Variants in ATRX observed in about 807,000 individuals in gnomAD.
ATRX encodes the protein chromatin remodeler ATRX.
ATRX carries 12 observed loss-of-function variants against 172.6 expected under a neutral mutation model. The ratio of observed to expected loss-of-function variants is 0.07; its 90% CI spans 0.04 to 0.11. The LOEUF (loss-of-function observed/expected upper bound fraction) is 0.11, where lower values mean the gene tolerates loss of function less well. ATRX is among the 10% of genes least tolerant of loss of function. The probability of loss-of-function intolerance (pLI) is 1.00; values close to 1 mark genes in which losing one functional copy is unlikely to be tolerated. For synonymous variants in ATRX, 674 were observed against 594.7 expected (o/e 1.13, Z -1.94); for missense variants, 1,368 against 1,767.4 (o/e 0.77, Z 4.05).
rs782100927 is a variant in ATRX, at chrX:77,505,896, C to T, written c.*2455G>A. ...AAAGGAAGAAGTGACATCTTTTCTA[C>T]AGTACTTAAGATACTCAATACAGAA... On this transcript the variant is annotated 3_prime_UTR_variant, in exon 35 of 35. Transcript: ENST00000373344. 1 of 168,295 alleles carries T rather than the reference C, an allele frequency of 5.9e-6. No homozygotes were observed. The highest frequency in any genetic ancestry group is 1.1e-5 in the Non-Finnish European group (1 of 87,579). The allele number at this position is 168,295 out of a possible 1,213,427, so 13.9% of individuals were successfully genotyped here.
At chrX:77,602,939 A>G (rs868924659) in intron 22 of ATRX, among the ~76,000 whole-genome samples, 2 of 111,207 alleles carry the variant, frequency 1.8e-5, no homozygotes, top group South Asian at 7.5e-4. Flanking sequence ...CAAATAATAG[A>G]TAAGATATAG....
chrX:77,583,772 T>C (rs1160947516), intron 27 of ATRX, among the ~76,000 whole-genome samples: 2 of 111,349 alleles, frequency 1.8e-5, no homozygotes, highest in East Asian at 2.8e-4. Flanking sequence ...TTATTCAACA[T>C]AGTAGTGGAA....
chrX:77,671,167 A>ATATATATAT (rs1557129938), intron 10 of ATRX, among the ~76,000 whole-genome samples: 5 of 15,737 alleles, frequency 3.2e-4, no homozygotes, highest in East Asian at 1.5e-3. Flanking sequence ...AAAAAAAAAA[A>ATATATATAT]ATATATATAT....
At chrX:77,702,827 A>C in intron 2 of ATRX, among the ~76,000 whole-genome samples, 1 of 111,180 alleles carries the variant, frequency 9.0e-6, no homozygotes. Context: ...CCTGGGCTCA[A>C]GTGATCCTCC....
At chrX:77,591,800 G>A (rs1363906203) in intron 26 of ATRX, among the ~76,000 whole-genome samples, 1 of 111,787 alleles carries the variant, frequency 8.9e-6, no homozygotes, top group South Asian at 3.7e-4. Context: ...GAAAGTTCCC[G>A]TAAGTGAAAA....
chrX:77,594,852 T>C (rs2066417404), intron 25 of ATRX: 1 of 111,944 alleles, frequency 8.9e-6, no homozygotes, highest in Non-Finnish European at 1.9e-5. Flanking sequence ...ATCCTACAAA[T>C]TACTTTTTCA....
intron 15 of ATRX, among the ~76,000 whole-genome samples, chrX:77,637,053 GAAGA>G (rs1395963165): frequency 3.6e-5 from 4 of 109,693 alleles, no homozygotes; most frequent in African/African-American, 1.0e-4. Flanking sequence ...GGAGGAGGAA[GAAGA>G]AAGAAGAAGG....
intron 30 of ATRX, among the ~76,000 whole-genome samples, chrX:77,530,604 G>A (rs782344218): frequency 8.1e-5 from 8 of 98,650 alleles, no homozygotes; most frequent in South Asian, 4.9e-4. Context: ...GTGAGACTCC[G>A]TCTCAAAACA....
At chrX:77,743,846 C>G (rs1430574757) in intron 1 of ATRX, among the ~76,000 whole-genome samples, 3 of 112,020 alleles carry the variant, frequency 2.7e-5, no homozygotes, top group African/African-American at 9.7e-5. Flanking sequence ...GTTACCAGCA[C>G]ACACTGCCCC....
At chrX:77,725,721 C>T (rs1337937047) in intron 1 of ATRX, among the ~76,000 whole-genome samples, 21 of 112,009 alleles carry the variant, frequency 1.9e-4, no homozygotes, top group Non-Finnish European at 3.4e-4. Flanking sequence ...GCAATCTACT[C>T]ATCTGACAAA....
Position 77,716,110 on chromosome X carries a change from A to ATTTTTTTTT in ATRX, c.133+1012_133+1020dup, listed in dbSNP as rs199639051. Among the ~76,000 whole-genome samples the ATTTTTTTTT allele has an allele frequency of 1.4e-3, 77 of 54,369 alleles. 4 individuals carry two copies. Among genetic ancestry groups the ATTTTTTTTT allele is most frequent in the East Asian group, 3.2e-3 (5 of 1,550 alleles). 47.2% of individuals were successfully genotyped at this position (54,369 alleles called of 115,157 possible). ...ACATAGCAAGACCATGTCTCTAAAA[A>ATTTTTTTTT]TTTTTTTTTTTTTTTTTTTTTTTTT... is the stretch of plus-strand genomic sequence containing the variant. On this transcript the variant is annotated intron_variant, in intron 2 of 34. Coordinates refer to ENST00000373344, the MANE Select transcript of ATRX (RefSeq NM_000489.6).
chrX:77,603,452 G>A (rs1005095902), intron 22 of ATRX, among the ~76,000 whole-genome samples: 2 of 108,668 alleles, frequency 1.8e-5, no homozygotes, highest in East Asian at 2.9e-4. Context: ...TGCAATCTCC[G>A]CCTCCCGGGT....
At chrX:77,606,625 T>C (rs1256176725) in intron 22 of ATRX, among the ~76,000 whole-genome samples, 1 of 110,563 alleles carries the variant, frequency 9.0e-6, no homozygotes, top group African/African-American at 3.3e-5. Flanking sequence ...CAACGATGGC[T>C]CAGTTTATGG....
At position 77,592,181 on chromosome X, in the gene ATRX, G is replaced by A. The variant is rs1176299811; in HGVS notation, c.6110+1515C>T. On this transcript the variant is annotated intron_variant, in intron 26 of 34. Transcript: ENST00000373344. ...AATCCCAGCATTTTGGGAGGCTGAG[G>A]CGGGTGGATCACCTGAGGTCAGGAG... is the stretch of plus-strand genomic sequence containing the variant. 2.7e-5 allele frequency among the ~76,000 whole-genome samples: 3 copies of A among 110,800 alleles called. No individual in the cohort carries two copies. In the Admixed American group the frequency reaches 2.9e-4, roughly 11 times the overall value.
At chrX:77,519,335 G>A (rs1001018996) in intron 34 of ATRX, among the ~76,000 whole-genome samples, 1 of 111,589 alleles carries the variant, frequency 9.0e-6, no homozygotes, top group East Asian at 2.8e-4. Context: ...ATTTAAAAAT[G>A]GGCAAAATAT....
Position 77,671,167 on chromosome X carries a change from A to AAATAT in ATRX, c.3809+5058_3809+5059insATATT, listed in dbSNP as rs1424480831. ...TGTCTCAAAAAAAAAAAAAAAAAAA[A>AAATAT]ATATATATATATATATATATATATA... On this transcript the variant is annotated intron_variant, in intron 10 of 34. Coordinates refer to ENST00000373344, the MANE Select transcript of ATRX (RefSeq NM_000489.6). 4.6e-3 allele frequency among the ~76,000 whole-genome samples: 73 copies of AAATAT among 15,748 alleles called. 2 individuals are homozygous for AAATAT. The highest frequency in any genetic ancestry group is 0.027 in the East Asian group (18 of 664). 13.7% of individuals were successfully genotyped at this position (15,748 alleles called of 115,157 possible). A position where few individuals can be genotyped will look rare whatever the true frequency, so the allele number is the denominator to read the frequency against.
chrX:77,522,201 C>G (rs1341668696), intron 32 of ATRX, 62 bp downstream of exon 32: 10 of 1,192,423 alleles, frequency 8.4e-6, no homozygotes, highest in Non-Finnish European at 1.1e-5. Flanking sequence ...GAACCCTCAA[C>G]AACAAGGCAC....
chrX:77,577,303 C>G (rs2065653810), intron 27 of ATRX, among the ~76,000 whole-genome samples: 1 of 111,259 alleles, frequency 9.0e-6, no homozygotes, highest in Non-Finnish European at 1.9e-5. Context: ...TCATAGTAGC[C>G]CATCCTAATG....
At chrX:77,722,391 G>A (rs1483391970) in intron 1 of ATRX, among the ~76,000 whole-genome samples, 1 of 110,675 alleles carries the variant, frequency 9.0e-6, no homozygotes, top group African/African-American at 3.3e-5. Flanking sequence ...TATCTCATCA[G>A]AGTGAACAGG....
Sources: allele counts gnomAD v4.1 joint callset (sites outside exome capture counted in the v4.1 genomes callset), GRCh38; gene constraint gnomAD v4.1.1; transcripts MANE v1.5; gene names NCBI Gene and HGNC (gene_info 2026-07-23, HGNC 2026-07-21).